Variants in ITPK1 observed in about 807,000 individuals in gnomAD.
The protein encoded by ITPK1 is inositol-tetrakisphosphate 1-kinase, also known as inositol 1,3,4-trisphosphate 5/6-kinase.
A neutral mutation model predicts 45.3 loss-of-function variants in ITPK1; 21 were observed. The observed-to-expected ratio is 0.46, with a 90% CI of 0.33 to 0.67. The LOEUF is 0.67. Ranked by LOEUF, ITPK1 falls within the 30% of genes least tolerant of loss-of-function variation. The pLI is 0.02. For synonymous variants in ITPK1, 258 were observed against 253.6 expected, an observed-to-expected ratio of 1.02 and a Z score of -0.16; for missense variants, 474 against 573.5, an observed-to-expected ratio of 0.83 and a Z score of 1.77.
rs1432875032 is a variant in ITPK1 at position 93,076,312 on chromosome 14, AC to A, written c.120+282del. ...CTGCCCCCTCACCCTTCCCACACCC[AC>A]CCTAACCTGACCACTGCCATGCACA... On this transcript the variant is annotated intron_variant, in intron 3 of 10. Transcript: ENST00000267615. This position sits in a 1 kb window ranked among gnomAD's most constrained non-coding sequence, Gnocchi z 4.3. Among the ~76,000 whole-genome samples the A allele has an allele frequency of 6.6e-6, 1 of 150,910 alleles. No individual in the cohort carries two copies. The highest frequency in any genetic ancestry group is 2.4e-5 in the African/African-American group (1 of 40,942).
intron 4 of ITPK1, among the ~76,000 whole-genome samples, chr14:93,010,972 C>T (rs1200640771): frequency 6.6e-6 from 1 of 152,104 alleles, no homozygotes; most frequent in Non-Finnish European, 1.5e-5. Flanking sequence ...CTGACCCTTA[C>T]ACACACGTGC....
chr14:93,100,063 G>A (rs752889202), intron 2 of ITPK1, among the ~76,000 whole-genome samples: 1 of 152,186 alleles, frequency 6.6e-6, no homozygotes, highest in Non-Finnish European at 1.5e-5. Context: ...CTGGGAAACA[G>A]TGCCCCTGCA....
intron 2 of ITPK1, among the ~76,000 whole-genome samples, chr14:93,083,669 C>T (rs1891534389): frequency 6.6e-6 from 1 of 152,156 alleles, no homozygotes; most frequent in East Asian, 1.9e-4. Flanking sequence ...ACACCGTACC[C>T]CACAGAAGCC....
chr14:92,969,205 A>C (rs1183684400), intron 5 of ITPK1, among the ~76,000 whole-genome samples: 1 of 152,228 alleles, frequency 6.6e-6, no homozygotes, highest in Non-Finnish European at 1.5e-5. Flanking sequence ...AATAAAACAG[A>C]GGCATCCCTG....
At chr14:93,101,912 G>A (rs1489057819) in intron 2 of ITPK1, among the ~76,000 whole-genome samples, 1 of 152,194 alleles carries the variant, frequency 6.6e-6, no homozygotes, top group Non-Finnish European at 1.5e-5. Context: ...CATACGGACT[G>A]ACAGCTTCAA....
At chr14:92,983,995 C>T (rs1268280977) in intron 5 of ITPK1, among the ~76,000 whole-genome samples, 1 of 152,076 alleles carries the variant, frequency 6.6e-6, no homozygotes, top group Non-Finnish European at 1.5e-5. Context: ...TCAGTGGGGA[C>T]AAAGAGCTGT....
intron 2 of ITPK1, among the ~76,000 whole-genome samples, chr14:93,102,097 C>T (rs1170148916): frequency 6.6e-6 from 1 of 152,264 alleles, no homozygotes; most frequent in Non-Finnish European, 1.5e-5. Flanking sequence ...TAACCCTCCA[C>T]ACTACAGGCA....
intron 2 of ITPK1, among the ~76,000 whole-genome samples, chr14:93,112,776 A>G (rs1398970311): frequency 1.3e-5 from 2 of 152,120 alleles, no homozygotes; most frequent in Non-Finnish European, 2.9e-5. Flanking sequence ...AGACTTTTTC[A>G]TTAGGGAATT....
intron 5 of ITPK1, among the ~76,000 whole-genome samples, chr14:92,990,364 C>A (rs574726549): frequency 1.9e-3 from 291 of 150,244 alleles, no homozygotes; most frequent in Non-Finnish European, 3.6e-3. Context: ...ATGGGCAGAC[C>A]ACAGAAGAAT....
chr14:93,082,147 G>A lies in ITPK1; in HGVS notation c.96-5528C>T, dbSNP rs183695172. Among the ~76,000 whole-genome samples the A allele has an allele frequency of 4.5e-3, 682 of 152,230 alleles. 2 individuals are homozygous for A. The highest frequency in any genetic ancestry group is 0.014 in the Middle Eastern group (4 of 294). The stretch of plus-strand genomic sequence containing the variant: ...GGAGGACATAGCAGGGGTGGGGTGG[G>A]GGGCAGCCCTTGCAGGTCTTGGGAA... On this transcript the variant is annotated intron_variant, in intron 2 of 10. Coordinates refer to ENST00000267615, the MANE Select transcript of ITPK1 (RefSeq NM_014216.6).
rs1283315897 is a variant in ITPK1 at position 92,939,843 on chromosome 14, TGTGTAAACAC to T, written c.*1708_*1717del. 1 of 985,838 alleles carries T rather than the reference TGTGTAAACAC, an allele frequency of 1.0e-6. No homozygotes were observed. Among genetic ancestry groups the T allele is most frequent in the East Asian group, 1.1e-4 (1 of 8,822 alleles). 61.1% of individuals were successfully genotyped at this position (985,838 alleles called of 1,614,324 possible). ...TATGACATAACAAACTTGAGCAACATGTGTAAACACGTGTGAAATGCGGTTTGATTTCAGT... is the reference window on the plus strand; with the variant it reads ...TATGACATAACAAACTTGAGCAACATGTGTGAAATGCGGTTTGATTTCAGT... On this transcript the variant is annotated 3_prime_UTR_variant, in exon 11 of 11. Transcript: ENST00000267615.
intron 8 of ITPK1, among the ~76,000 whole-genome samples, chr14:92,956,177 T>C (rs549062757): frequency 1.8e-4 from 27 of 151,812 alleles, no homozygotes; most frequent in Middle Eastern, 3.2e-3. Flanking sequence ...TGGAATGCAG[T>C]GGCATGACCA....
In ITPK1 at chr14:92,962,205, C is replaced by T. The variant is rs536400485; in HGVS notation, c.504+150G>A. ...ACTCCCGCTCGATTCCTCTGGAGTC[C>T]AGGGAAGGGAAGGAGGCTATCTACC... On this transcript the variant is annotated intron_variant, in intron 7 of 10. Transcript: ENST00000267615. 5.7e-6 allele frequency: 4 copies of T among 706,060 alleles called. No individual in the cohort carries two copies. In the East Asian group the frequency reaches 1.0e-4, roughly 18 times the overall value. The allele number at this position is 706,060 out of a possible 1,614,324, so 43.7% of individuals were successfully genotyped here.
chr14:93,019,161 A>G (rs1261129842), intron 3 of ITPK1, among the ~76,000 whole-genome samples: 3 of 152,188 alleles, frequency 2.0e-5, no homozygotes, highest in African/African-American at 7.2e-5. Context: ...AGAGGCCAAG[A>G]CAGCTACGAG....
At chr14:93,041,351 C>T (rs1889554673) in intron 3 of ITPK1, among the ~76,000 whole-genome samples, 1 of 152,236 alleles carries the variant, frequency 6.6e-6, no homozygotes, top group African/African-American at 2.4e-5. Context: ...CCTGTCTCTG[C>T]ACAGTATTGC....
chr14:93,110,205 TTC>T lies in ITPK1; in HGVS notation c.95+4862_95+4863del, dbSNP rs530793796. Among the ~76,000 whole-genome samples, 354 of 152,254 alleles carry T rather than the reference TTC, an allele frequency of 2.3e-3. 1 individual carries two copies. The highest frequency in any genetic ancestry group is 3.7e-3 in the Non-Finnish European group (249 of 68,024). ...CACGGACGCTTCCTCCTATGTGAAG[TTC>T]TGTTTGCTCCCCAGGAGGCTGGTAG... On this transcript the variant is annotated intron_variant, in intron 2 of 10. Transcript: ENST00000267615.
chr14:92,972,905 C>A (rs1885731005), intron 5 of ITPK1, among the ~76,000 whole-genome samples: 1 of 152,202 alleles, frequency 6.6e-6, no homozygotes, highest in Non-Finnish European at 1.5e-5. Flanking sequence ...TCTGACCGCA[C>A]AACCCAAGAT....
At chr14:93,059,570 A>G (rs1303746449) in intron 3 of ITPK1, among the ~76,000 whole-genome samples, 5 of 10,232 alleles carry the variant, frequency 4.9e-4, no homozygotes, top group Admixed American at 1.4e-3. Context: ...GAGGGGGTGC[A>G]GGTCACAAGG....
chr14:92,953,498 A>G (rs955563967), intron 8 of ITPK1, among the ~76,000 whole-genome samples: 2 of 152,230 alleles, frequency 1.3e-5, no homozygotes, highest in African/African-American at 4.8e-5. Flanking sequence ...TGCGGCTGGA[A>G]CAGCTCGAGC....
Sources: allele counts gnomAD v4.1 joint callset (sites outside exome capture counted in the v4.1 genomes callset), GRCh38; gene constraint gnomAD v4.1.1; non-coding constraint Gnocchi (gnomAD v3.1); transcripts MANE v1.5; gene names NCBI Gene and HGNC (gene_info 2026-07-23, HGNC 2026-07-21).